USP54: variants seen among roughly 807,000 people sequenced by gnomAD.
The protein encoded by USP54 is ubiquitin specific peptidase 54.
USP54 carries 87 observed loss-of-function variants against 170.5 expected under a neutral mutation model. The observed-to-expected ratio is 0.51, with a 90% CI of 0.43 to 0.61. The LOEUF (loss-of-function observed/expected upper bound fraction) is 0.61. USP54 is among the 20% of genes least tolerant of loss of function. The probability of loss-of-function intolerance (pLI) is 0.00; values close to 1 mark genes in which losing one functional copy is unlikely to be tolerated. For synonymous variants in USP54, 655 were observed against 742.8 expected, an observed-to-expected ratio of 0.88 and a Z score of 1.92; for missense variants, 1,786 against 2,047.8, an observed-to-expected ratio of 0.87 and a Z score of 2.47.
intron 1 of USP54, among the ~76,000 whole-genome samples, chr10:73,616,181 A>G: frequency 6.7e-6 from 1 of 149,758 alleles, no homozygotes; most frequent in East Asian, 1.9e-4. Flanking sequence ...TCTTCTAAAA[A>G]TACAAAATTA....
At chr10:73,590,596 T>TA (rs2078129826) in intron 1 of USP54, among the ~76,000 whole-genome samples, 1 of 152,184 alleles carries the variant, frequency 6.6e-6, no homozygotes, top group African/African-American at 2.4e-5. Flanking sequence ...TCAATCTAAA[T>TA]ATCAAATATT....
chr10:73,527,925 A>C (rs1310595880), intron 15 of USP54, among the ~76,000 whole-genome samples: 1 of 151,890 alleles, frequency 6.6e-6, no homozygotes, highest in Non-Finnish European at 1.5e-5. Flanking sequence ...GTATTACATA[A>C]GTTTTAATTC....
At chr10:73,595,499 AC>A (rs149286269), upstream of USP54, among the ~76,000 whole-genome samples, 7,816 of 152,238 alleles carry the variant, frequency 0.051, 616 homozygotes, top group African/African-American at 0.17. Context: ...TTAATCACAG[AC>A]CTGAGCAGCA....
intron 17 of USP54, 66 bp from the exon 18 acceptor site, chr10:73,521,093 TC>T: frequency 6.3e-7 from 1 of 1,598,498 alleles, no homozygotes; most frequent in East Asian, 2.2e-5. Context: ...TACTGTTGTT[TC>T]CCTTCAGTAC....
At position 73,498,364 on chromosome 10, in the gene USP54, C is replaced by T. The variant is rs2057386541; in HGVS notation, c.*265G>A. 1 of 219,808 alleles carries T rather than the reference C, an allele frequency of 4.5e-6. No homozygotes were observed. Among genetic ancestry groups the T allele is most frequent in the African/African-American group, 2.3e-5 (1 of 43,730 alleles). 13.6% of individuals were successfully genotyped at this position (219,808 alleles called of 1,614,324 possible). A position where few individuals can be genotyped will look rare whatever the true frequency, so the allele number is the denominator to read the frequency against. On this transcript the variant is annotated 3_prime_UTR_variant, in exon 24 of 24. Transcript: ENST00000687698. ...GATCTCGGCTCACTGCAACCTCTGC[C>T]TCCCGGGTTCAAGCAATTCTCCTGC...
intron 1 of USP54, among the ~76,000 whole-genome samples, chr10:73,581,538 T>A (rs1476246541): frequency 1.3e-5 from 2 of 152,208 alleles, no homozygotes; most frequent in South Asian, 2.1e-4. Context: ...TCATTTTCTG[T>A]TTCAAAAAAT....
chr10:73,621,650 C>A (rs1241455610), intron 1 of USP54, among the ~76,000 whole-genome samples: 1 of 151,076 alleles, frequency 6.6e-6, no homozygotes, highest in Non-Finnish European at 1.5e-5. Flanking sequence ...TGACTAAATG[C>A]CTTAAAGTCT....
chr10:73,537,385 C>T (rs941247588), intron 10 of USP54, among the ~76,000 whole-genome samples: 3 of 152,106 alleles, frequency 2.0e-5, no homozygotes, highest in African/African-American at 7.2e-5. Context: ...GAAGACACTG[C>T]TTAAAGTCTG....
intron 22 of USP54, 112 bp downstream of exon 22, chr10:73,504,738 G>T: frequency 7.1e-7 from 1 of 1,410,436 alleles, no homozygotes; most frequent in African/African-American, 1.4e-5. Flanking sequence ...GAGTACACAG[G>T]GCCTTTCCTC....
chr10:73,536,231 G>A (rs1311502168), intron 11 of USP54, 38 bp downstream of exon 11: 2 of 1,609,800 alleles, frequency 1.2e-6, no homozygotes, highest in African/African-American at 2.7e-5. Flanking sequence ...ATCGCATGGG[G>A]TGAGGAGAGA....
chr10:73,604,589 C>CA (rs201726075), intron 1 of USP54, among the ~76,000 whole-genome samples: 5,051 of 82,170 alleles, frequency 0.061, 123 homozygotes, highest in Non-Finnish European at 0.086. Context: ...TCCATCTCCA[C>CA]AAATTTTTTT....
chr10:73,519,799 T>G lies in USP54; in HGVS notation c.2676A>C (p.Thr892=). 1 of 1,613,856 alleles carries G rather than the reference T, an allele frequency of 6.2e-7. No homozygotes were observed. Among genetic ancestry groups the G allele is most frequent in the Non-Finnish European group, 8.5e-7 (1 of 1,179,900 alleles). ...CTAACATGGTTCCCAAGCACTACCTTGTTGGCTGAGAGAGAGTCCCCGCCT... is the reference window on the plus strand; with the variant it reads ...CTAACATGGTTCCCAAGCACTACCTGGTTGGCTGAGAGAGAGTCCCCGCCT... ...PTQAGTLSQP[T]SEQPIPLQVL... Residue 892 remains threonine, a splice_region_variant and synonymous_variant, in exon 19 of 24, where the codon ACA becomes ACC. Coordinates refer to ENST00000687698, the MANE Select transcript of USP54 (RefSeq NM_001391956.1).
At chr10:73,548,500 A>G (rs2068399140) in intron 4 of USP54, among the ~76,000 whole-genome samples, 1 of 152,222 alleles carries the variant, frequency 6.6e-6, no homozygotes, top group Non-Finnish European at 1.5e-5. Context: ...TCAATGACAG[A>G]CTGGATTAAG....
intron 4 of USP54, among the ~76,000 whole-genome samples, chr10:73,566,617 C>A (rs1005764991): frequency 6.7e-6 from 1 of 150,242 alleles, no homozygotes; most frequent in Admixed American, 6.6e-5. Context: ...TGTAATCCCA[C>A]CTACTTGGGA....
intron 5 of USP54, among the ~76,000 whole-genome samples, chr10:73,544,500 G>C (rs1244963512): frequency 6.6e-6 from 1 of 152,036 alleles, no homozygotes; most frequent in Non-Finnish European, 1.5e-5. Flanking sequence ...TTTCATTTCT[G>C]TGGGATACAT....
At chr10:73,583,740 C>A (rs1383943802) in intron 1 of USP54, among the ~76,000 whole-genome samples, 1 of 150,986 alleles carries the variant, frequency 6.6e-6, no homozygotes, top group Non-Finnish European at 1.5e-5. Context: ...CAAAGCAAGA[C>A]CCTGTCTTTA....
chr10:73,579,369 T>C (rs2076567159), intron 1 of USP54, among the ~76,000 whole-genome samples: 1 of 152,128 alleles, frequency 6.6e-6, no homozygotes, highest in Non-Finnish European at 1.5e-5. Context: ...AAAAGATTAG[T>C]CAAAGATTAA....
chr10:73,517,888 G>T (rs964562402), intron 19 of USP54, 141 bp from the exon 20 acceptor site: 3 of 1,134,062 alleles, frequency 2.6e-6, no homozygotes, highest in African/African-American at 3.1e-5. Flanking sequence ...CACAAGTAGA[G>T]TCAGTAGTTC....
intron 1 of USP54, among the ~76,000 whole-genome samples, chr10:73,578,403 T>C (rs1433557300): frequency 6.6e-6 from 1 of 151,772 alleles, no homozygotes; most frequent in Non-Finnish European, 1.5e-5. Flanking sequence ...TTTTTTGGGT[T>C]TTGTTTTGTT....
Sources: allele counts gnomAD v4.1 joint callset (sites outside exome capture counted in the v4.1 genomes callset), GRCh38; gene constraint gnomAD v4.1.1; transcripts MANE v1.5; gene names NCBI Gene and HGNC (gene_info 2026-07-23, HGNC 2026-07-21).